Variants in CDH19 observed in about 807,000 individuals in gnomAD.
The protein encoded by CDH19 is cadherin-19.
In CDH19, 67 loss-of-function variants were observed where a neutral mutation model predicts 64.2. The observed-to-expected ratio is 1.04, with a 90% CI of 0.86 to 1.28. The LOEUF (loss-of-function observed/expected upper bound fraction) is 1.28, where lower values mean the gene tolerates loss of function less well. Among genes scored for constraint, CDH19 ranks in the 50% most tolerant of loss-of-function variants. The pLI, the probability that CDH19 is intolerant of heterozygous loss-of-function variation, is 0.00. For synonymous variants in CDH19, 346 were observed against 319.3 expected, an observed-to-expected ratio of 1.08 and a Z score of -0.89; for missense variants, 1,030 against 929.0, an observed-to-expected ratio of 1.11 and a Z score of -1.41.
In CDH19 at chr18:66,501,351, A is replaced by G. The variant is rs1199941597; in HGVS notation, c.*3461T>C. 6.6e-6 allele frequency: 1 copy of G among 152,200 alleles called. No homozygotes were observed. The highest frequency in any genetic ancestry group is 1.5e-5 in the Non-Finnish European group (1 of 68,060). 9.4% of individuals were successfully genotyped at this position (152,200 alleles called of 1,614,324 possible). Reference sequence around the variant, plus strand: ...CAGGGAGCTGAGTAATCTAATACAAAGCAAGACAAAGCCAGGGTCACTGGA... The same window carrying G: ...CAGGGAGCTGAGTAATCTAATACAAGGCAAGACAAAGCCAGGGTCACTGGA... On this transcript the variant is annotated 3_prime_UTR_variant, in exon 12 of 12. Transcript: ENST00000262150.
At chr18:66,514,629 C>T (rs1395743699) in intron 9 of CDH19, among the ~76,000 whole-genome samples, 1 of 151,330 alleles carries the variant, frequency 6.6e-6, no homozygotes, top group East Asian at 1.9e-4. Flanking sequence ...TTCATAAGTT[C>T]CAATTTAGTT....
chr18:66,577,749 T>C (rs1988308256), intron 1 of CDH19, among the ~76,000 whole-genome samples: 2 of 151,950 alleles, frequency 1.3e-5, no homozygotes, highest in Non-Finnish European at 1.5e-5. Flanking sequence ...ATGATACACA[T>C]TTATTGTCTT....
chr18:66,521,855 T>G (rs1986000449), intron 9 of CDH19, among the ~76,000 whole-genome samples: 1 of 152,198 alleles, frequency 6.6e-6, no homozygotes, highest in Admixed American at 6.5e-5. Flanking sequence ...TGCCTGCCTT[T>G]ATTTTTAATT....
intron 1 of CDH19, among the ~76,000 whole-genome samples, chr18:66,575,916 A>G (rs981008599): frequency 1.1e-4 from 16 of 151,834 alleles, no homozygotes; most frequent in African/African-American, 3.9e-4. Context: ...GTATGAAATT[A>G]ACAGCATAAA....
At chr18:66,551,607 T>C (rs1024935717) in intron 4 of CDH19, among the ~76,000 whole-genome samples, 4 of 152,012 alleles carry the variant, frequency 2.6e-5, no homozygotes, top group Non-Finnish European at 4.4e-5. Flanking sequence ...TCCCCGAAAC[T>C]CTGAAGTTAG....
At chr18:66,560,092 T>C (rs1987666284) in intron 3 of CDH19, among the ~76,000 whole-genome samples, 1 of 152,108 alleles carries the variant, frequency 6.6e-6, no homozygotes, top group African/African-American at 2.4e-5. Context: ...TGGAGTGCAA[T>C]GGCGTGGTCT....
At chr18:66,543,622 A>C (rs1006933775) in intron 7 of CDH19, among the ~76,000 whole-genome samples, 1 of 152,042 alleles carries the variant, frequency 6.6e-6, no homozygotes, top group Non-Finnish European at 1.5e-5. Flanking sequence ...CGGTGGCTCA[A>C]GCCTGTAATG....
intron 9 of CDH19, among the ~76,000 whole-genome samples, 158 bp from the exon 10 acceptor site, chr18:66,511,843 T>C (rs1378326179): frequency 6.6e-6 from 1 of 151,470 alleles, no homozygotes; most frequent in Admixed American, 6.6e-5. Context: ...TAAAATGTTT[T>C]TTCTCAGGTT....
intron 3 of CDH19, among the ~76,000 whole-genome samples, chr18:66,556,627 C>A (rs1987530717): frequency 6.6e-6 from 1 of 151,760 alleles, no homozygotes; most frequent in Admixed American, 6.6e-5. Context: ...TAATAATATT[C>A]CACTGTAAAT....
chr18:66,598,127 T>A (rs1325390843), intron 1 of CDH19, among the ~76,000 whole-genome samples: 1 of 152,140 alleles, frequency 6.6e-6, no homozygotes, highest in Non-Finnish European at 1.5e-5. Flanking sequence ...TCAGAATGGC[T>A]ATTACTATGT....
At chr18:66,520,487 A>AT (rs541400115) in intron 9 of CDH19, among the ~76,000 whole-genome samples, 2 of 151,848 alleles carry the variant, frequency 1.3e-5, no homozygotes, top group Non-Finnish European at 2.9e-5. Context: ...ATATTGTATA[A>AT]TTTTTTCTTT....
chr18:66,568,280 A>G (rs1045340671), intron 3 of CDH19, 136 bp downstream of exon 3: 8 of 642,316 alleles, frequency 1.2e-5, no homozygotes, highest in Non-Finnish European at 2.0e-5. Flanking sequence ...TAATTTTTCA[A>G]ATATTTTACT....
intron 3 of CDH19, among the ~76,000 whole-genome samples, chr18:66,558,027 T>C (rs1488119888): frequency 2.6e-5 from 4 of 151,690 alleles, no homozygotes; most frequent in African/African-American, 9.7e-5. Context: ...CGTTTGCTCC[T>C]TATTAGTGCA....
rs558001447 is a variant in CDH19, at chr18:66,574,836, C to T, written c.-112-2520G>A. Reference sequence around the variant, plus strand: ...CAAAGATAAAGTTGTTAGCAGATGTCTCATCTCAAACAATGCATGCCAAAT... The same window carrying T: ...CAAAGATAAAGTTGTTAGCAGATGTTTCATCTCAAACAATGCATGCCAAAT... On this transcript the variant is annotated intron_variant, in intron 1 of 11. Transcript: ENST00000262150. 1.6e-3 allele frequency among the ~76,000 whole-genome samples: 238 copies of T among 151,868 alleles called. 2 individuals carry two copies. The highest frequency in any genetic ancestry group is 5.6e-3 in the African/African-American group (233 of 41,508).
intron 1 of CDH19, among the ~76,000 whole-genome samples, chr18:66,581,547 G>A (rs1472862538): frequency 6.6e-6 from 1 of 152,076 alleles, no homozygotes; most frequent in Non-Finnish European, 1.5e-5. Flanking sequence ...GAACAAAGCA[G>A]GTGGAAGAAG....
In CDH19 at chr18:66,504,554, A is replaced by G; in HGVS notation, c.*258T>C. On this transcript the variant is annotated 3_prime_UTR_variant, in exon 12 of 12. Coordinates refer to ENST00000262150, the MANE Select transcript of CDH19 (RefSeq NM_021153.4). Reference sequence around the variant, plus strand: ...TTGTGTCCTCTCATCTACTTTTAATATCTTCCTAAATTATTTTACTTCAAA... The same window carrying G: ...TTGTGTCCTCTCATCTACTTTTAATGTCTTCCTAAATTATTTTACTTCAAA... 2.8e-6 allele frequency: 1 copy of G among 352,552 alleles called. No individual in the cohort carries two copies. The highest frequency in any genetic ancestry group is 4.2e-5 in the Admixed American group (1 of 24,078). The allele number at this position is 352,552 out of a possible 1,614,324, so 21.8% of individuals were successfully genotyped here.
Position 66,502,175 on chromosome 18 carries a change from T to C in CDH19, c.*2637A>G, listed in dbSNP as rs1299548953. 3 of 152,080 alleles carry C rather than the reference T, an allele frequency of 2.0e-5. No homozygotes were observed. The highest frequency in any genetic ancestry group is 7.2e-5 in the African/African-American group (3 of 41,440). The allele number at this position is 152,080 out of a possible 1,614,324, so 9.4% of individuals were successfully genotyped here. A position where few individuals can be genotyped will look rare whatever the true frequency, so the allele number is the denominator to read the frequency against. On this transcript the variant is annotated 3_prime_UTR_variant, in exon 12 of 12. Transcript: ENST00000262150. ...AATAATTATTGAATATAATACAAAG[T>C]ATAATTCCTAGGAAGTTGCACCTTC...
intron 3 of CDH19, among the ~76,000 whole-genome samples, 160 bp from the exon 4 acceptor site, chr18:66,554,684 GT>G (rs1193133494): frequency 6.6e-6 from 1 of 151,530 alleles, no homozygotes; most frequent in Non-Finnish European, 1.5e-5. Flanking sequence ...TTTTTTTGTT[GT>G]TTTTTATTTT....
intron 7 of CDH19, among the ~76,000 whole-genome samples, chr18:66,540,313 A>T (rs1471440425): frequency 6.6e-6 from 1 of 152,104 alleles, no homozygotes; most frequent in Admixed American, 6.5e-5. Context: ...AAAATATTTC[A>T]AAGTTTGACT....
Sources: allele counts gnomAD v4.1 joint callset (sites outside exome capture counted in the v4.1 genomes callset), GRCh38; gene constraint gnomAD v4.1.1; transcripts MANE v1.5; gene names NCBI Gene and HGNC (gene_info 2026-07-23, HGNC 2026-07-21).